The following ABLIM1 variants were observed in gnomAD, a reference collection of about 807,000 sequenced individuals.
The protein encoded by ABLIM1 is actin binding LIM protein 1, also known as actin-binding LIM protein 1.
In ABLIM1, 40 loss-of-function variants were observed where a neutral mutation model predicts 107.0. The observed-to-expected ratio is 0.37, with a 90% confidence interval of 0.29 to 0.49. ABLIM1 has a LOEUF of 0.49. ABLIM1 is among the 20% of genes least tolerant of loss of function. The pLI, the probability that ABLIM1 is intolerant of heterozygous loss-of-function variation, is 0.97. For synonymous variants in ABLIM1, 357 were observed against 357.3 expected, an observed-to-expected ratio of 1.00 and a Z score of 0.01; for missense variants, 857 against 1,008.5, an observed-to-expected ratio of 0.85 and a Z score of 2.04.
intron 1 of ABLIM1, among the ~76,000 whole-genome samples, chr10:114,766,010 T>G (rs2082883623): frequency 6.6e-6 from 1 of 152,222 alleles, no homozygotes; most frequent in African/African-American, 2.4e-5. Flanking sequence ...ATTACAATAT[T>G]TGAAGGACTA....
At chr10:114,624,235 A>C (rs1400448961) in intron 1 of ABLIM1, among the ~76,000 whole-genome samples, 1 of 152,230 alleles carries the variant, frequency 6.6e-6, no homozygotes, top group Non-Finnish European at 1.5e-5. Flanking sequence ...ATGCTGGCTC[A>C]GGAAAACACT....
At chr10:114,514,311 A>AT (rs1223902590) in intron 6 of ABLIM1, among the ~76,000 whole-genome samples, 6 of 152,110 alleles carry the variant, frequency 3.9e-5, no homozygotes, top group African/African-American at 1.2e-4. Context: ...AAAAAAAAAA[A>AT]AAATAAAGTG....
rs115699598 is a variant in ABLIM1 at position 114,518,978 on chromosome 10, A to T, written c.894+26027T>A. 2.2e-3 allele frequency among the ~76,000 whole-genome samples: 328 copies of T among 152,318 alleles called. 2 individuals carry two copies. Among genetic ancestry groups the T allele is most frequent in the African/African-American group, 7.7e-3 (319 of 41,558 alleles). On this transcript the variant is annotated intron_variant, in intron 6 of 22. Coordinates refer to ENST00000533213, the MANE Select transcript of ABLIM1 (RefSeq NM_002313.7). ...TGGGAAAGGGAAGTTGTTTAAAAAC[A>T]AAGTGAAATAAAGGTTTGAGCAAAA...
intron 4 of ABLIM1, among the ~76,000 whole-genome samples, chr10:114,557,598 C>A (rs1052807394): frequency 6.7e-6 from 1 of 149,774 alleles, no homozygotes; most frequent in African/African-American, 2.5e-5. Flanking sequence ...ATTCTTATTT[C>A]TAAACCAGTC....
chr10:114,433,942 A>G lies in ABLIM1; in HGVS notation c.*2318T>C, dbSNP rs371637237. On this transcript the variant is annotated 3_prime_UTR_variant, in exon 23 of 23. Transcript: ENST00000533213. ...AACGTAGGGACCCTTTATTAGCTCC[A>G]TAATGAAAAAAATCTCTCCACCAGC... 3 of 152,340 alleles carry G rather than the reference A, an allele frequency of 2.0e-5. No individual in the cohort carries two copies. The highest frequency in any genetic ancestry group is 7.2e-5 in the African/African-American group (3 of 41,576). 9.4% of individuals were successfully genotyped at this position (152,340 alleles called of 1,614,324 possible).
the ABLIM1 span, among the ~76,000 whole-genome samples, chr10:114,782,737 T>G: frequency 8.5e-5 from 13 of 152,112 alleles, no homozygotes; most frequent in Non-Finnish European, 1.8e-4. Context: ...GAGATTAGTT[T>G]GGAGCTGTTA....
intron 2 of ABLIM1, among the ~76,000 whole-genome samples, chr10:114,580,502 G>A (rs927165002): frequency 3.3e-5 from 5 of 152,050 alleles, no homozygotes; most frequent in Non-Finnish European, 7.4e-5. Context: ...CATGAACCAC[G>A]GCACCCAGCC....
intron 8 of ABLIM1, 77 bp from the exon 9 acceptor site, chr10:114,474,033 AC>A: frequency 3.7e-6 from 4 of 1,091,168 alleles, no homozygotes; most frequent in Non-Finnish European, 5.4e-6. Flanking sequence ...CTTAAGCTTT[AC>A]TAAAAACTCA....
At chr10:114,631,972 G>T in intron 1 of ABLIM1, 5 of 1,302,428 alleles carry the variant, frequency 3.8e-6, no homozygotes, top group Non-Finnish European at 4.0e-6. Context: ...AATAAACTCT[G>T]GGAGTGGAAG....
chr10:114,676,260 C>T (rs776691857), intron 1 of ABLIM1, among the ~76,000 whole-genome samples: 2 of 152,092 alleles, frequency 1.3e-5, no homozygotes, highest in Non-Finnish European at 2.9e-5. Flanking sequence ...GGGTGAATCA[C>T]GAGGTCAGTA....
At chr10:114,696,219 A>ACAAAG (rs2081190758) in intron 1 of ABLIM1, among the ~76,000 whole-genome samples, 2 of 152,228 alleles carry the variant, frequency 1.3e-5, no homozygotes, top group Non-Finnish European at 2.9e-5. Flanking sequence ...GCAGCAGGGA[A>ACAAAG]CAAAGCAGGA....
chr10:114,526,264 G>A (rs188855868), intron 6 of ABLIM1, among the ~76,000 whole-genome samples: 96 of 152,120 alleles, frequency 6.3e-4, no homozygotes, highest in African/African-American at 2.2e-3. Flanking sequence ...AAATTTCACA[G>A]AGCTCTACAA....
chr10:114,716,064 C>T (rs757631447), intron 1 of ABLIM1, among the ~76,000 whole-genome samples: 14 of 152,148 alleles, frequency 9.2e-5, no homozygotes, highest in Admixed American at 2.0e-4. Context: ...CCCAAACAAT[C>T]AAGTGTTTCC....
intron 1 of ABLIM1, among the ~76,000 whole-genome samples, chr10:114,715,415 G>C (rs1274268432): frequency 6.6e-6 from 1 of 152,172 alleles, no homozygotes; most frequent in Non-Finnish European, 1.5e-5. Flanking sequence ...GGAAGTTTGG[G>C]AATCTCCTGC....
intron 4 of ABLIM1, among the ~76,000 whole-genome samples, chr10:114,559,237 A>G (rs1291918727): frequency 6.6e-6 from 1 of 152,026 alleles, no homozygotes; most frequent in African/African-American, 2.4e-5. Flanking sequence ...GGAAGTTATC[A>G]AAACAAAGCC....
At chr10:114,491,735 C>A (rs1042920851) in intron 7 of ABLIM1, 56 bp downstream of exon 7, 12 of 1,476,648 alleles carry the variant, frequency 8.1e-6, no homozygotes, top group Non-Finnish European at 1.1e-5. Context: ...ACAAACATAG[C>A]AAGATTTCCT....
chr10:114,440,012 C>G, intron 20 of ABLIM1, 70 bp downstream of exon 20: 13 of 1,612,376 alleles, frequency 8.1e-6, no homozygotes, highest in Non-Finnish European at 1.1e-5. Context: ...GCCTTGGAGC[C>G]AGCAGTCTGG....
upstream of ABLIM1, among the ~76,000 whole-genome samples, chr10:114,659,970 C>T (rs2079716461): frequency 6.6e-6 from 1 of 152,178 alleles, no homozygotes; most frequent in Non-Finnish European, 1.5e-5. Context: ...ATTGGCAACA[C>T]AATTCAAGAA....
intron 1 of ABLIM1, among the ~76,000 whole-genome samples, chr10:114,640,098 A>C (rs779026491): frequency 6.6e-6 from 1 of 152,210 alleles, no homozygotes; most frequent in African/African-American, 2.4e-5. Context: ...AACCACTCAC[A>C]CCAAAAATGA....
Sources: allele counts gnomAD v4.1 joint callset (sites outside exome capture counted in the v4.1 genomes callset), GRCh38; gene constraint gnomAD v4.1.1; transcripts MANE v1.5; gene names NCBI Gene and HGNC (gene_info 2026-07-23, HGNC 2026-07-21).